AGMO: variants seen among roughly 807,000 people sequenced by gnomAD.
AGMO encodes the protein alkylglycerol monooxygenase.
A neutral mutation model predicts 60.2 loss-of-function variants in AGMO; 75 were observed. That is an observed-to-expected ratio of 1.25 (90% CI 1.03 to 1.51). The LOEUF (loss-of-function observed/expected upper bound fraction) is 1.51, where lower values mean the gene tolerates loss of function less well. Among genes scored for constraint, AGMO ranks in the 40% most tolerant of loss-of-function variants. The probability of loss-of-function intolerance (pLI) is 0.00; values close to 1 mark genes in which losing one functional copy is unlikely to be tolerated. For missense variants in AGMO, 763 were observed against 525.5 expected, an observed-to-expected ratio of 1.45 and a Z score of -4.42; for synonymous variants, 261 against 177.1, an observed-to-expected ratio of 1.47 and a Z score of -3.76.
At chr7:15,148,757 A>G in the AGMO span, among the ~76,000 whole-genome samples, 1 of 152,108 alleles carries the variant, frequency 6.6e-6, no homozygotes, top group Non-Finnish European at 1.5e-5. Flanking sequence ...TGTCTTTGCT[A>G]TTATGAATAG....
At chr7:15,370,525 C>A (rs1370527712) in intron 10 of AGMO, among the ~76,000 whole-genome samples, 1 of 152,118 alleles carries the variant, frequency 6.6e-6, no homozygotes, top group Non-Finnish European at 1.5e-5. Flanking sequence ...TGTATGTGTT[C>A]CCTTTTCTTT....
At chr7:15,239,768 A>C (rs944618234) in intron 12 of AGMO, among the ~76,000 whole-genome samples, 1 of 152,124 alleles carries the variant, frequency 6.6e-6, no homozygotes, top group African/African-American at 2.4e-5. Flanking sequence ...ACACTTATTA[A>C]GTACACTTAC....
chr7:15,509,494 A>G (rs186533364), intron 3 of AGMO, among the ~76,000 whole-genome samples: 1 of 152,246 alleles, frequency 6.6e-6, no homozygotes, highest in East Asian at 1.9e-4. Context: ...AAGAAAACAT[A>G]TGGGGAAAGT....
chr7:15,368,218 G>A (rs1428179809), intron 10 of AGMO, among the ~76,000 whole-genome samples: 1 of 150,884 alleles, frequency 6.6e-6, no homozygotes, highest in Non-Finnish European at 1.5e-5. Context: ...ACCAGAGCAA[G>A]AGAGTGCTAT....
chr7:15,185,309 G>A, the AGMO span, among the ~76,000 whole-genome samples: 1 of 152,042 alleles, frequency 6.6e-6, no homozygotes. Context: ...GAGAATCTAA[G>A]GTACTTGTTT....
At chr7:15,432,078 C>A (rs1781257907) in intron 3 of AGMO, among the ~76,000 whole-genome samples, 1 of 151,450 alleles carries the variant, frequency 6.6e-6, no homozygotes, top group Non-Finnish European at 1.5e-5. Context: ...TATGTTTAGT[C>A]TTTTGCTACA....
chr7:15,189,029 G>A, the AGMO span, among the ~76,000 whole-genome samples: 1 of 152,148 alleles, frequency 6.6e-6, no homozygotes, highest in East Asian at 1.9e-4. Context: ...AAGTAGAAGT[G>A]AGATGAAGAA....
Position 15,356,983 on chromosome 7 carries a change from G to C in AGMO, c.1263+8531C>G, listed in dbSNP as rs181568191. On this transcript the variant is annotated intron_variant, in intron 12 of 12. Coordinates refer to ENST00000342526, the MANE Select transcript of AGMO (RefSeq NM_001004320.2). The stretch of plus-strand genomic sequence containing the variant: ...AAAAAAAAAAAAAAAAATTAGCCAG[G>C]TGTGGTGGCAGGTACCTGTAATCCC... 4.7e-3 allele frequency among the ~76,000 whole-genome samples: 704 copies of C among 150,574 alleles called. 10 individuals are homozygous for C. The highest frequency in any genetic ancestry group is 0.016 in the African/African-American group (661 of 40,988).
chr7:15,211,454 A>T (rs749841068), intron 12 of AGMO, among the ~76,000 whole-genome samples: 1 of 152,034 alleles, frequency 6.6e-6, no homozygotes, highest in Non-Finnish European at 1.5e-5. Context: ...AGAATTCTGC[A>T]AAGTGGCATA....
At chr7:15,251,626 T>C (rs1782941323) in intron 12 of AGMO, among the ~76,000 whole-genome samples, 1 of 152,170 alleles carries the variant, frequency 6.6e-6, no homozygotes, top group Non-Finnish European at 1.5e-5. Flanking sequence ...ACTAAGCATT[T>C]AGATTCAATG....
chr7:15,192,732 G>A, the AGMO span, among the ~76,000 whole-genome samples: 39 of 152,116 alleles, frequency 2.6e-4, no homozygotes, highest in African/African-American at 7.2e-4. Context: ...TGGTTCCAGC[G>A]CCCAAAAGTG....
chr7:15,207,524 A>T (rs956555810), intron 12 of AGMO, among the ~76,000 whole-genome samples: 5 of 152,172 alleles, frequency 3.3e-5, no homozygotes, highest in African/African-American at 1.2e-4. Context: ...AGAATTTCTA[A>T]ATATTTTGAT....
intron 12 of AGMO, among the ~76,000 whole-genome samples, chr7:15,334,164 T>C (rs1781580262): frequency 6.6e-6 from 1 of 152,072 alleles, no homozygotes; most frequent in African/African-American, 2.4e-5. Context: ...AAAGAAAAGA[T>C]GTAAAGAGAA....
intron 3 of AGMO, among the ~76,000 whole-genome samples, chr7:15,479,236 G>T (rs571662368): frequency 6.6e-6 from 1 of 152,254 alleles, no homozygotes; most frequent in East Asian, 1.9e-4. Context: ...TGATAACAGA[G>T]TTGAAGGTGA....
intron 3 of AGMO, among the ~76,000 whole-genome samples, chr7:15,529,476 C>T (rs188377355): frequency 7.2e-6 from 1 of 139,618 alleles, no homozygotes; most frequent in East Asian, 2.2e-4. Flanking sequence ...CAGGTTCTAC[C>T]CCCTAGAGAT....
rs77955691 is a variant in AGMO at position 15,559,230 on chromosome 7, C to A, written c.257+911G>T. On this transcript the variant is annotated intron_variant, in intron 2 of 12. Transcript: ENST00000342526. ...TACATGCAACAGACATCATTCCAGGCACAGGAGCTAAAACTATTAAGAACA... is the reference window on the plus strand; with the variant it reads ...TACATGCAACAGACATCATTCCAGGAACAGGAGCTAAAACTATTAAGAACA... Among the ~76,000 whole-genome samples the A allele has an allele frequency of 0.013, 1,917 of 152,130 alleles. 73 individuals are homozygous for A. In the East Asian group the frequency reaches 0.14, roughly 11 times the overall value.
chr7:15,357,285 T>C (rs979794598), intron 12 of AGMO, among the ~76,000 whole-genome samples: 10 of 151,228 alleles, frequency 6.6e-5, no homozygotes, highest in Non-Finnish European at 1.3e-4. Flanking sequence ...CCATGAAACA[T>C]TGTTGAGGAC....
rs1279084091 is a variant in AGMO at position 15,362,441 on chromosome 7, ATAATAG to A, written c.1263+3067_1263+3072del. ...TTAATGGCTTGTGGTTTTAATAATA[ATAATAG>A]TAACACTCTAATAATGGTAATATGA... On this transcript the variant is annotated intron_variant, in intron 12 of 12. Transcript: ENST00000342526. Among the ~76,000 whole-genome samples, 6 of 152,218 alleles carry A rather than the reference ATAATAG, an allele frequency of 3.9e-5. No homozygotes were observed. In the East Asian group the frequency reaches 7.7e-4, roughly 20 times the overall value.
the AGMO span, among the ~76,000 whole-genome samples, chr7:15,128,573 A>G: frequency 6.6e-6 from 1 of 152,084 alleles, no homozygotes; most frequent in African/African-American, 2.4e-5. Flanking sequence ...TTGTTTATAA[A>G]TAATTTTGGA....
Sources: gnomAD v4.1 joint callset for allele counts (sites outside exome capture counted in the v4.1 genomes callset) on GRCh38, gnomAD v4.1.1 for gene constraint, MANE v1.5 for transcripts, NCBI Gene and HGNC (gene_info 2026-07-23, HGNC 2026-07-21) for gene names.